The following SEMA3E variants were observed in gnomAD, a reference collection of about 807,000 sequenced individuals.
SEMA3E encodes the protein semaphorin-3E.
In SEMA3E, 49 loss-of-function variants were observed where a neutral mutation model predicts 93.6. The observed-to-expected ratio is 0.52, with a 90% confidence interval of 0.42 to 0.66. The LOEUF is 0.66. Ranked by LOEUF, SEMA3E falls within the 30% of genes least tolerant of loss-of-function variation. The pLI is 0.00. For synonymous variants in SEMA3E, 363 were observed against 330.7 expected (o/e 1.10, Z -1.06); for missense variants, 906 against 964.8 (o/e 0.94, Z 0.81).
chr7:83,476,168 G>A (rs1446566807), intron 2 of SEMA3E, among the ~76,000 whole-genome samples: 1 of 152,126 alleles, frequency 6.6e-6, no homozygotes, highest in Non-Finnish European at 1.5e-5. Flanking sequence ...TCCATTGATT[G>A]GCTTGTATCA....
chr7:83,380,908 T>C (rs1189781613), intron 16 of SEMA3E, among the ~76,000 whole-genome samples: 2 of 151,958 alleles, frequency 1.3e-5, no homozygotes. Flanking sequence ...CATTTCTTAA[T>C]AGTGAAAAAT....
chr7:83,515,518 T>C (rs1469289150), intron 1 of SEMA3E, among the ~76,000 whole-genome samples: 1 of 152,194 alleles, frequency 6.6e-6, no homozygotes, highest in African/African-American at 2.4e-5. Flanking sequence ...ATTCCTAATG[T>C]ACACCATATT....
At chr7:83,375,890 T>C (rs1794816048) in intron 16 of SEMA3E, among the ~76,000 whole-genome samples, 1 of 152,086 alleles carries the variant, frequency 6.6e-6, no homozygotes, top group Admixed American at 6.6e-5. Context: ...CAATAGGAAC[T>C]CTGTCTCCGC....
At chr7:83,472,903 G>A (rs1407492903) in intron 2 of SEMA3E, among the ~76,000 whole-genome samples, 1 of 152,154 alleles carries the variant, frequency 6.6e-6, no homozygotes, top group African/African-American at 2.4e-5. Flanking sequence ...TTCCCCCTTG[G>A]CTTGGCACTG....
At chr7:83,444,673 A>ATT (rs397952833) in intron 4 of SEMA3E, among the ~76,000 whole-genome samples, 85,843 of 142,148 alleles carry the variant, frequency 0.6, 29,422 homozygotes, top group East Asian at 0.98. Flanking sequence ...AATATTCAGC[A>ATT]TTTTTTTTTT....
intron 1 of SEMA3E, among the ~76,000 whole-genome samples, chr7:83,637,889 G>C (rs1304816362): frequency 6.6e-6 from 1 of 150,868 alleles, no homozygotes; most frequent in Middle Eastern, 3.4e-3. Flanking sequence ...TTTCTGGGCT[G>C]GTGTCCAAGA....
At chr7:83,568,790 A>C (rs1792214981) in intron 1 of SEMA3E, among the ~76,000 whole-genome samples, 1 of 152,092 alleles carries the variant, frequency 6.6e-6, no homozygotes, top group Non-Finnish European at 1.5e-5. Context: ...AAAGCTGAAA[A>C]CCTTTTTCTC....
At chr7:83,417,930 A>G (rs1788587730) in intron 5 of SEMA3E, among the ~76,000 whole-genome samples, 1 of 152,146 alleles carries the variant, frequency 6.6e-6, no homozygotes, top group African/African-American at 2.4e-5. Context: ...AGATAAATAA[A>G]TTTAAGTTCT....
chr7:83,641,465 T>C, intron 1 of SEMA3E: 5 of 748,098 alleles, frequency 6.7e-6, no homozygotes, highest in African/African-American at 1.9e-5. Flanking sequence ...CTTAGTAATA[T>C]TAGTTCTATT....
chr7:83,578,758 AAGAAG>A (rs1315283659), intron 1 of SEMA3E, among the ~76,000 whole-genome samples: 1 of 152,186 alleles, frequency 6.6e-6, no homozygotes, highest in East Asian at 1.9e-4. Flanking sequence ...AGTTGTAACT[AAGAAG>A]AGAAAACCAA....
intron 4 of SEMA3E, among the ~76,000 whole-genome samples, chr7:83,457,050 T>C (rs1173002411): frequency 6.6e-6 from 1 of 152,218 alleles, no homozygotes; most frequent in Non-Finnish European, 1.5e-5. Context: ...AAAACTTTTC[T>C]TTTTCAAATG....
At chr7:83,445,907 A>G (rs1789218670) in intron 4 of SEMA3E, among the ~76,000 whole-genome samples, 1 of 152,146 alleles carries the variant, frequency 6.6e-6, no homozygotes, top group Non-Finnish European at 1.5e-5. Context: ...GAGATATTTC[A>G]AATGCTTTGA....
chr7:83,533,910 C>T (rs181550881), intron 1 of SEMA3E, among the ~76,000 whole-genome samples: 1 of 152,290 alleles, frequency 6.6e-6, no homozygotes, highest in Non-Finnish European at 1.5e-5. Flanking sequence ...AAGAGGAACT[C>T]AGCCATGATT....
At chr7:83,510,251 G>A (rs757190568) in intron 1 of SEMA3E, among the ~76,000 whole-genome samples, 25 of 152,034 alleles carry the variant, frequency 1.6e-4, no homozygotes, top group Non-Finnish European at 2.9e-4. Flanking sequence ...AATACTCATA[G>A]ACCCTTTTTA....
chr7:83,596,233 G>T (rs552096774), intron 1 of SEMA3E, among the ~76,000 whole-genome samples: 22 of 151,948 alleles, frequency 1.4e-4, no homozygotes, highest in Non-Finnish European at 2.9e-4. Context: ...TGGTCCCTAT[G>T]TTCTTTTGAC....
At chr7:83,491,592 A>G (rs1562805166) in intron 1 of SEMA3E, among the ~76,000 whole-genome samples, 1 of 152,004 alleles carries the variant, frequency 6.6e-6, no homozygotes. Flanking sequence ...AAATAATCTG[A>G]GAATAAGTTT....
At chr7:83,505,629 AATTTTTT>A (rs1249268359) in intron 1 of SEMA3E, among the ~76,000 whole-genome samples, 6 of 152,170 alleles carry the variant, frequency 3.9e-5, no homozygotes, top group Admixed American at 3.9e-4. Flanking sequence ...GCTTTCTAGA[AATTTTTT>A]ATTTGTTAAT....
At chr7:83,587,582 C>T (rs763200229) in intron 1 of SEMA3E, among the ~76,000 whole-genome samples, 8 of 151,934 alleles carry the variant, frequency 5.3e-5, no homozygotes, top group Non-Finnish European at 1.0e-4. Context: ...CATGGTGGCT[C>T]GGGCCTGTAA....
At chr7:83,425,243 A>T (rs1345880286) in intron 4 of SEMA3E, among the ~76,000 whole-genome samples, 1 of 152,004 alleles carries the variant, frequency 6.6e-6, no homozygotes, top group African/African-American at 2.4e-5. Flanking sequence ...TGTTTTCTGT[A>T]TGCCACAAAC....
Sources: allele counts gnomAD v4.1 joint callset (sites outside exome capture counted in the v4.1 genomes callset), GRCh38; gene constraint gnomAD v4.1.1; transcripts MANE v1.5; gene names NCBI Gene and HGNC (gene_info 2026-07-23, HGNC 2026-07-21).